The following DOK6 variants were observed in gnomAD, a reference collection of about 807,000 sequenced individuals.
The protein encoded by DOK6 is docking protein 6.
In DOK6, 22 loss-of-function variants were observed where a neutral mutation model predicts 44.0. That is an observed-to-expected ratio of 0.50 (90% CI 0.36 to 0.71). The LOEUF (loss-of-function observed/expected upper bound fraction) is 0.71. DOK6 is among the 30% of genes least tolerant of loss of function. The pLI is 0.00. For missense variants in DOK6, 340 were observed against 416.4 expected (o/e 0.82, Z 1.60); for synonymous variants, 166 against 145.5 (o/e 1.14, Z -1.01).
At chr18:69,715,113 CA>C (rs1314144386) in intron 5 of DOK6, among the ~76,000 whole-genome samples, 1 of 152,082 alleles carries the variant, frequency 6.6e-6, no homozygotes, top group Non-Finnish European at 1.5e-5. Flanking sequence ...GTGCTTTGAA[CA>C]AGAATATAAA....
rs773443602 is a variant in DOK6 at position 69,564,496 on chromosome 18, C to G, written c.76C>G (p.Arg26Gly). The change falls in exon 2 of 8, where the codon CGA becomes GGA. Residue 26 changes from arginine (R) to glycine (G), a missense_variant. Arg to Gly is a moderately radical substitution (Grantham distance 125). Transcript: ENST00000382713. ...IRSRKLGIFR[R>G]CWLVFKKASS... ...CTTTATTTGCTTTCAGATTTTCAGA[C>G]GATGCTGGTTGGTTTTCAAGAAGGC... 1 of 1,613,236 alleles carries G rather than the reference C, an allele frequency of 6.2e-7. No homozygotes were observed. Among genetic ancestry groups the G allele is most frequent in the African/African-American group, 1.3e-5 (1 of 74,834 alleles).
At chr18:69,687,983 T>C (rs1183616019) in intron 4 of DOK6, among the ~76,000 whole-genome samples, 2 of 152,150 alleles carry the variant, frequency 1.3e-5, no homozygotes, top group Non-Finnish European at 2.9e-5. Context: ...AACAAGTGAA[T>C]TCAATGATGT....
chr18:69,565,995 G>A (rs1982967848), intron 2 of DOK6, among the ~76,000 whole-genome samples: 1 of 152,202 alleles, frequency 6.6e-6, no homozygotes, highest in South Asian at 2.1e-4. Flanking sequence ...TATTTAGTTT[G>A]TAAGTAAAAT....
intron 1 of DOK6, among the ~76,000 whole-genome samples, chr18:69,459,187 T>TTGTGTG (rs71176967): frequency 5.3e-4 from 73 of 136,970 alleles, no homozygotes; most frequent in African/African-American, 1.8e-3. Flanking sequence ...AAAAAATATT[T>TTGTGTG]TGTGTGTGTG....
chr18:69,829,420 A>G (rs1413569124), intron 7 of DOK6, among the ~76,000 whole-genome samples: 5 of 152,110 alleles, frequency 3.3e-5, no homozygotes, highest in African/African-American at 1.2e-4. Flanking sequence ...AGTAGAAACT[A>G]TTATGATTGC....
chr18:69,705,369 T>C lies in DOK6; in HGVS notation c.599+6776T>C, dbSNP rs569669004. 4.4e-4 allele frequency among the ~76,000 whole-genome samples: 67 copies of C among 152,322 alleles called. No individual in the cohort carries two copies. The South Asian group carries it at 0.013, about 30-fold the overall frequency. On this transcript the variant is annotated intron_variant, in intron 5 of 7. Coordinates refer to ENST00000382713, the MANE Select transcript of DOK6 (RefSeq NM_152721.6). The stretch of plus-strand genomic sequence containing the variant: ...AGTGTTTTCTTGGTTTGTTTTTGTT[T>C]TGTTTTGTTTTGTTTTTTGAGCTCT...
At chr18:69,573,271 C>G (rs540240255) in intron 2 of DOK6, among the ~76,000 whole-genome samples, 1 of 151,568 alleles carries the variant, frequency 6.6e-6, no homozygotes, top group Non-Finnish European at 1.5e-5. Flanking sequence ...GAAAATGAAG[C>G]GGCAAAACAG....
chr18:69,562,140 C>T (rs1161894009), intron 1 of DOK6, among the ~76,000 whole-genome samples: 2 of 152,104 alleles, frequency 1.3e-5, no homozygotes, highest in Admixed American at 6.6e-5. Context: ...ATTACCTTGT[C>T]TTTAAACATA....
At chr18:69,817,142 A>G (rs1257030551) in intron 7 of DOK6, among the ~76,000 whole-genome samples, 1 of 152,080 alleles carries the variant, frequency 6.6e-6, no homozygotes, top group African/African-American at 2.4e-5. Flanking sequence ...CAATTCATCC[A>G]TTTCTTTCTT....
chr18:69,602,136 T>C (rs1599215608), intron 3 of DOK6, among the ~76,000 whole-genome samples: 1 of 152,172 alleles, frequency 6.6e-6, no homozygotes, highest in African/African-American at 2.4e-5. Context: ...CTGTTCATAG[T>C]TACTTCCTCC....
At chr18:69,463,769 ATGTG>A (rs771740041) in intron 1 of DOK6, among the ~76,000 whole-genome samples, 23 of 151,194 alleles carry the variant, frequency 1.5e-4, no homozygotes, top group African/African-American at 3.9e-4. Flanking sequence ...GTCTGTGTGC[ATGTG>A]TGTGTGTGTC....
At chr18:69,618,257 C>T (rs569453689) in intron 3 of DOK6, among the ~76,000 whole-genome samples, 50 of 152,290 alleles carry the variant, frequency 3.3e-4, no homozygotes, top group African/African-American at 1.0e-3. Flanking sequence ...TTACGTCAGT[C>T]CTAGGAAACT....
rs1978821147 is a variant in DOK6, at chr18:69,432,054, A to G, written c.66+30744A>G. Among the ~76,000 whole-genome samples, 3 of 152,254 alleles carry G rather than the reference A, an allele frequency of 2.0e-5. No individual in the cohort carries two copies. In the South Asian group the frequency reaches 6.2e-4, roughly 31 times the overall value. ...AGTCTTAATAACCAAAAATAAAAAG[A>G]AAATTTGAAAAGAAATTACAATTAA... On this transcript the variant is annotated intron_variant, in intron 1 of 7. Transcript: ENST00000382713.
At chr18:69,419,297 C>T (rs1978420773) in intron 1 of DOK6, among the ~76,000 whole-genome samples, 1 of 152,122 alleles carries the variant, frequency 6.6e-6, no homozygotes, top group Non-Finnish European at 1.5e-5. Flanking sequence ...TCTTGATACT[C>T]ATGGTTTTAA....
chr18:69,411,082 C>T (rs1287260052), intron 1 of DOK6, among the ~76,000 whole-genome samples: 1 of 152,084 alleles, frequency 6.6e-6, no homozygotes, highest in African/African-American at 2.4e-5. Flanking sequence ...ACATACCTCT[C>T]GAGTTCATGC....
intron 1 of DOK6, among the ~76,000 whole-genome samples, chr18:69,401,902 C>T (rs748395793): frequency 6.6e-6 from 1 of 152,290 alleles, no homozygotes; most frequent in African/African-American, 2.4e-5. Flanking sequence ...GTGTGTGCCC[C>T]GCGCCCGCCC....
At chr18:69,401,647 G>A (rs1916102716) in intron 1 of DOK6, among the ~76,000 whole-genome samples, 1 of 152,018 alleles carries the variant, frequency 6.6e-6, no homozygotes, top group Non-Finnish European at 1.5e-5. Context: ...ATCCACGATG[G>A]TCTGTTCTCA....
intron 1 of DOK6, among the ~76,000 whole-genome samples, chr18:69,511,922 T>G (rs1272317029): frequency 1.3e-5 from 2 of 152,136 alleles, no homozygotes; most frequent in Non-Finnish European, 2.9e-5. Flanking sequence ...ATGAGAAATA[T>G]GCTGGGTTGG....
intron 5 of DOK6, among the ~76,000 whole-genome samples, chr18:69,730,342 TA>T (rs1978361469): frequency 6.6e-6 from 1 of 152,234 alleles, no homozygotes; most frequent in Admixed American, 6.5e-5. Context: ...AAAATAAAGA[TA>T]ATGAGATATT....
Sources: gnomAD v4.1 joint callset for allele counts (sites outside exome capture counted in the v4.1 genomes callset) on GRCh38, gnomAD v4.1.1 for gene constraint, MANE v1.5 for transcripts, NCBI Gene and HGNC (gene_info 2026-07-23, HGNC 2026-07-21) for gene names.